The following MTF2 variants were observed in gnomAD, a reference collection of about 807,000 sequenced individuals.
The protein encoded by MTF2 is metal-response element-binding transcription factor 2.
Under a neutral mutation model 79.5 loss-of-function variants are expected in MTF2, and 11 were observed. The observed-to-expected ratio is 0.14, with a 90% CI of 0.09 to 0.23. The LOEUF is 0.23. Ranked by LOEUF, MTF2 falls within the 10% of genes least tolerant of loss-of-function variation. The pLI, the probability that MTF2 is intolerant of heterozygous loss-of-function variation, is 1.00. For missense variants in MTF2, 486 were observed against 711.2 expected (o/e 0.68, Z 3.60); for synonymous variants, 208 against 232.8 (o/e 0.89, Z 0.97).
chr1:93,102,918 T>A (rs890073730), intron 1 of MTF2, among the ~76,000 whole-genome samples: 4 of 151,988 alleles, frequency 2.6e-5, no homozygotes, highest in African/African-American at 9.7e-5. Context: ...AATCACGAGG[T>A]CAGGAGTTCA....
intron 1 of MTF2, among the ~76,000 whole-genome samples, chr1:93,103,970 T>TA (rs1421858461): frequency 6.6e-6 from 1 of 152,190 alleles, no homozygotes; most frequent in African/African-American, 2.4e-5. Flanking sequence ...TGGTTTTTGT[T>TA]ACAGGTTGTC....
chr1:93,079,340 C>A lies in MTF2; in HGVS notation c.-187C>A. The A allele has an allele frequency of 1.5e-6, 1 of 659,194 alleles. No homozygotes were observed. The highest frequency in any genetic ancestry group is 2.7e-6 in the Non-Finnish European group (1 of 373,220). The allele number at this position is 659,194 out of a possible 1,614,324, so 40.8% of individuals were successfully genotyped here. On this transcript the variant is annotated 5_prime_UTR_variant, in exon 1 of 15. Coordinates refer to ENST00000370298, the MANE Select transcript of MTF2 (RefSeq NM_007358.4). ...TATTGAAGTGGGCTGTGTTTGAGGC[C>A]GGTGTAAGAACGCTCATTCTACCCC...
intron 5 of MTF2, 57 bp downstream of exon 5, chr1:93,115,145 C>CA (rs1316465906): frequency 7.8e-7 from 1 of 1,276,126 alleles, no homozygotes; most frequent in Non-Finnish European, 1.1e-6. Context: ...ACATTATCAA[C>CA]ATAATGATTG....
At chr1:93,125,638 T>A (rs1656666061) in intron 9 of MTF2, among the ~76,000 whole-genome samples, 3 of 151,894 alleles carry the variant, frequency 2.0e-5, no homozygotes, top group African/African-American at 7.2e-5. Context: ...ACACAAACAG[T>A]ACATGGGTAT....
chr1:93,079,321 A>G lies in MTF2; in HGVS notation c.-206A>G. Reference sequence around the variant, plus strand: ...CCAAAATGGCGAGGGGCTGTATTGAAGTGGGCTGTGTTTGAGGCCGGTGTA... The same window carrying G: ...CCAAAATGGCGAGGGGCTGTATTGAGGTGGGCTGTGTTTGAGGCCGGTGTA... On this transcript the variant is annotated 5_prime_UTR_variant, in exon 1 of 15. Coordinates refer to ENST00000370298, the MANE Select transcript of MTF2 (RefSeq NM_007358.4). The G allele has an allele frequency of 1.6e-6, 1 of 617,670 alleles. No individual in the cohort carries two copies. Among genetic ancestry groups the G allele is most frequent in the Non-Finnish European group, 2.9e-6 (1 of 346,422 alleles). 38.3% of individuals were successfully genotyped at this position (617,670 alleles called of 1,614,324 possible).
intron 1 of MTF2, among the ~76,000 whole-genome samples, chr1:93,101,531 T>A (rs1381609669): frequency 6.8e-6 from 1 of 147,134 alleles, no homozygotes; most frequent in Non-Finnish European, 1.5e-5. Flanking sequence ...TTAAAAATTT[T>A]CTGTAGGAAT....
In MTF2 at chr1:93,097,882, G is replaced by A. The variant is rs1439241365; in HGVS notation, c.6-12348G>A. On this transcript the variant is annotated intron_variant, in intron 1 of 14. Transcript: ENST00000370298. ...CACAGTGCTGGGATTACAGGCATGA[G>A]CCACCATGCCTGGGCCTTTTTTTAT... Among the ~76,000 whole-genome samples the A allele has an allele frequency of 2.6e-5, 4 of 152,194 alleles. No individual in the cohort carries two copies. The East Asian group carries it at 5.8e-4, about 22-fold the overall frequency.
chr1:93,090,796 TG>T (rs1296413819), intron 1 of MTF2, among the ~76,000 whole-genome samples: 1 of 151,732 alleles, frequency 6.6e-6, no homozygotes, highest in African/African-American at 2.4e-5. Context: ...CCCAAGTAGC[TG>T]GGACTATAGG....
At chr1:93,120,797 C>A in intron 9 of MTF2, 125 bp downstream of exon 9, 2 of 1,463,552 alleles carry the variant, frequency 1.4e-6, no homozygotes, top group Non-Finnish European at 1.8e-6. Flanking sequence ...ATTTTTAGTT[C>A]TGGGGACAAA....
At chr1:93,136,601 G>C (rs1251366919) in intron 14 of MTF2, 69 bp from the exon 15 acceptor site, 6 of 1,262,862 alleles carry the variant, frequency 4.8e-6, no homozygotes, top group Non-Finnish European at 6.7e-6. Context: ...CCAGAAAAGA[G>C]AACATATTGT....
At chr1:93,112,312 G>A (rs1416149335) in intron 3 of MTF2, among the ~76,000 whole-genome samples, 3 of 152,128 alleles carry the variant, frequency 2.0e-5, no homozygotes, top group Non-Finnish European at 4.4e-5. Context: ...TTTCTTCCCT[G>A]TAAGAAATCT....
chr1:93,079,344 G>C lies in MTF2; in HGVS notation c.-183G>C, dbSNP rs1055249140. On this transcript the variant is annotated 5_prime_UTR_variant, in exon 1 of 15. Transcript: ENST00000370298. ...GAAGTGGGCTGTGTTTGAGGCCGGTGTAAGAACGCTCATTCTACCCCCAAC... is the reference window on the plus strand; with the variant it reads ...GAAGTGGGCTGTGTTTGAGGCCGGTCTAAGAACGCTCATTCTACCCCCAAC... The C allele has an allele frequency of 5.7e-6, 4 of 696,078 alleles. No homozygotes were observed. The Admixed American group carries it at 9.6e-5, about 17-fold the overall frequency. 43.1% of individuals were successfully genotyped at this position (696,078 alleles called of 1,614,324 possible). A position where few individuals can be genotyped will look rare whatever the true frequency, so the allele number is the denominator to read the frequency against.
At chr1:93,104,468 C>T (rs2101046926) in intron 1 of MTF2, among the ~76,000 whole-genome samples, 1 of 151,618 alleles carries the variant, frequency 6.6e-6, no homozygotes, top group South Asian at 2.1e-4. Flanking sequence ...ATCACAAGGT[C>T]AGGAGATCAA....
chr1:93,121,645 T>C (rs1160471171), intron 9 of MTF2: 4 of 969,012 alleles, frequency 4.1e-6, no homozygotes, highest in Admixed American at 6.2e-5. Context: ...TAGGATATTA[T>C]TGAAATTCAA....
chr1:93,134,774 T>G (rs1647313896), intron 14 of MTF2, among the ~76,000 whole-genome samples: 1 of 151,546 alleles, frequency 6.6e-6, no homozygotes. Context: ...TCCTCCTGTG[T>G]TGGCCTTCTC....
Position 93,115,053 on chromosome 1 carries a change from C to G in MTF2, c.448C>G (p.Leu150Val). ...TGTGATTGATTCAGATGAAAAATGGCTCTGTCGGCAGTGTGTTTTTGCAAC... is the reference window on the plus strand; with the variant it reads ...TGTGATTGATTCAGATGAAAAATGGGTCTGTCGGCAGTGTGTTTTTGCAAC... The part of the protein sequence containing the change: ...SSVIDSDEKW[L>V]CRQCVFATTT... Residue 150 changes from leucine (L) to valine (V), a missense_variant, in exon 5 of 15, where the codon CTC (leucine) becomes GTC (valine). Around this residue, in one of 4 missense-constraint regions of MTF2, gnomAD observed 177 missense variants for 364.0 expected, o/e 0.49. Coordinates refer to ENST00000370298, the MANE Select transcript of MTF2 (RefSeq NM_007358.4). 3 of 1,611,108 alleles carry G rather than the reference C, an allele frequency of 1.9e-6. No homozygotes were observed. Among genetic ancestry groups the G allele is most frequent in the Non-Finnish European group, 2.5e-6 (3 of 1,177,756 alleles).
At chr1:93,136,202 T>C (rs1052405406) in intron 14 of MTF2, among the ~76,000 whole-genome samples, 1 of 152,188 alleles carries the variant, frequency 6.6e-6, no homozygotes, top group Non-Finnish European at 1.5e-5. Context: ...GGTGTATTAC[T>C]TCACTAGGCC....
At chr1:93,115,660 A>C (rs1656220127) in intron 6 of MTF2, 42 bp downstream of exon 6, 2 of 1,448,190 alleles carry the variant, frequency 1.4e-6, no homozygotes, top group East Asian at 4.8e-5. Flanking sequence ...AGTAATTTTT[A>C]TTTACTTATC....
rs372885974 is a variant in MTF2 at position 93,134,295 on chromosome 1, G to A, written c.1424+100G>A. 1.4e-5 allele frequency: 12 copies of A among 835,124 alleles called. No individual in the cohort carries two copies. The East Asian group carries it at 3.2e-4, about 22-fold the overall frequency. The allele number at this position is 835,124 out of a possible 1,614,324, so 51.7% of individuals were successfully genotyped here. A position where few individuals can be genotyped will look rare whatever the true frequency, so the allele number is the denominator to read the frequency against. ...TAATTTTTTAGCAATTGAAAGTGATGTAAGTTGTGTCTATCAGCTTTTTGA... is the reference window on the plus strand; with the variant it reads ...TAATTTTTTAGCAATTGAAAGTGATATAAGTTGTGTCTATCAGCTTTTTGA... On this transcript the variant is annotated intron_variant, in intron 14 of 14. Transcript: ENST00000370298.
Sources: gnomAD v4.1 joint callset for allele counts (sites outside exome capture counted in the v4.1 genomes callset) on GRCh38, gnomAD v4.1.1 for gene constraint, gnomAD v4.1.1 regional missense constraint, MANE v1.5 for transcripts, NCBI Gene and HGNC (gene_info 2026-07-23, HGNC 2026-07-21) for gene names.